CNIH3: variants seen among roughly 807,000 people sequenced by gnomAD.
CNIH3 encodes the protein cornichon family AMPA receptor auxiliary protein 3, also known as protein cornichon homolog 3.
A neutral mutation model predicts 24.1 loss-of-function variants in CNIH3; 14 were observed. The ratio of observed to expected loss-of-function variants is 0.58; its 90% confidence interval spans 0.38 to 0.91. The LOEUF (loss-of-function observed/expected upper bound fraction) is 0.91. Ranked by LOEUF, CNIH3 falls within the 40% of genes least tolerant of loss-of-function variation. CNIH3 has a pLI of 0.00. For missense variants in CNIH3, 178 were observed against 196.8 expected (o/e 0.90, Z 0.57); for synonymous variants, 68 against 73.8 (o/e 0.92, Z 0.40).
At chr1:224,617,468 A>G (rs1419114365) in intron 1 of CNIH3, among the ~76,000 whole-genome samples, 1 of 152,010 alleles carries the variant, frequency 6.6e-6, no homozygotes, top group Non-Finnish European at 1.5e-5. Context: ...GTGCCCAGGT[A>G]GGACACCCTC....
intron 1 of CNIH3, among the ~76,000 whole-genome samples, chr1:224,668,006 T>C (rs895988477): frequency 9.2e-5 from 14 of 152,202 alleles, no homozygotes; most frequent in African/African-American, 3.1e-4. Context: ...ATTTAAAATC[T>C]ATGCACACAT....
At chr1:224,464,920 C>T (rs913759434) in intron 1 of CNIH3, among the ~76,000 whole-genome samples, 3 of 152,042 alleles carry the variant, frequency 2.0e-5, no homozygotes, top group Admixed American at 6.6e-5. Flanking sequence ...CTCAGCCTCC[C>T]GTGTAGCTGG....
At chr1:224,440,965 C>T (rs1054746668) in intron 1 of CNIH3, among the ~76,000 whole-genome samples, 7 of 152,130 alleles carry the variant, frequency 4.6e-5, no homozygotes, top group Non-Finnish European at 7.4e-5. Context: ...TACAGGCGTC[C>T]GCCACCATGC....
chr1:224,737,211 G>A (rs1396283046), intron 5 of CNIH3, among the ~76,000 whole-genome samples: 2 of 146,052 alleles, frequency 1.4e-5, no homozygotes, highest in Non-Finnish European at 3.0e-5. Context: ...TGCGTGCTCC[G>A]CTGCGGGGGT....
intron 3 of CNIH3, among the ~76,000 whole-genome samples, chr1:224,725,877 A>G (rs1485368115): frequency 6.6e-6 from 1 of 152,130 alleles, no homozygotes; most frequent in Non-Finnish European, 1.5e-5. Flanking sequence ...ACAACCCCTG[A>G]TGCCCCTCTC....
rs563445978 is a variant in CNIH3 at position 224,659,431 on chromosome 1, C to T, written c.82-21527C>T. On this transcript the variant is annotated intron_variant, in intron 1 of 5. Coordinates refer to ENST00000272133, the MANE Select transcript of CNIH3 (RefSeq NM_152495.2). ...CTCTTAGTAAAATGTAAATCTGCTT[C>T]TTAGGCCAGTTACCAAAGGGCAAAG... Among the ~76,000 whole-genome samples the T allele has an allele frequency of 3.9e-5, 6 of 152,320 alleles. No homozygotes were observed. In the South Asian group the frequency reaches 1.2e-3, roughly 32 times the overall value.
chr1:224,532,627 T>G (rs1479662641), intron 2 of CNIH3, among the ~76,000 whole-genome samples: 1 of 152,190 alleles, frequency 6.6e-6, no homozygotes, highest in African/African-American at 2.4e-5. Context: ...TTTGCTAAAT[T>G]AAGTGGAATA....
At chr1:224,517,419 T>A (rs1454699675) in intron 1 of CNIH3, among the ~76,000 whole-genome samples, 1 of 152,214 alleles carries the variant, frequency 6.6e-6, no homozygotes, top group Non-Finnish European at 1.5e-5. Context: ...TGGCGTTTGA[T>A]GCCTCGCCTT....
chr1:224,441,321 A>C (rs889941209), intron 1 of CNIH3, among the ~76,000 whole-genome samples: 28 of 152,256 alleles, frequency 1.8e-4, no homozygotes, highest in Admixed American at 5.9e-4. Flanking sequence ...TGTTTTTCTA[A>C]ATCTCCTTCT....
chr1:224,514,662 C>T (rs1464547750), upstream of CNIH3, among the ~76,000 whole-genome samples: 1 of 152,102 alleles, frequency 6.6e-6, no homozygotes, highest in African/African-American at 2.4e-5. Flanking sequence ...AAAATCCTGT[C>T]TCTACGAAAA....
intron 1 of CNIH3, among the ~76,000 whole-genome samples, chr1:224,495,528 T>G (rs1677402960): frequency 6.6e-6 from 1 of 151,906 alleles, no homozygotes; most frequent in South Asian, 2.1e-4. Flanking sequence ...TTTAATGGAG[T>G]GTTTGTGTAG....
chr1:224,623,319 C>G (rs149643054), intron 1 of CNIH3, among the ~76,000 whole-genome samples: 162 of 152,300 alleles, frequency 1.1e-3, no homozygotes, highest in Non-Finnish European at 1.7e-3. Flanking sequence ...TGCTGCTGCT[C>G]TCCACTGCTG....
chr1:224,666,549 C>T (rs919683787), intron 1 of CNIH3, among the ~76,000 whole-genome samples: 6 of 152,112 alleles, frequency 3.9e-5, no homozygotes, highest in African/African-American at 1.2e-4. Context: ...TTAGAGTGGG[C>T]ACTTGTCTTA....
At chr1:224,697,512 A>T (rs1224193591) in intron 3 of CNIH3, among the ~76,000 whole-genome samples, 1 of 152,148 alleles carries the variant, frequency 6.6e-6, no homozygotes, top group Non-Finnish European at 1.5e-5. Flanking sequence ...ATTTGCCAAC[A>T]GGTGCCCAAG....
At chr1:224,662,624 G>T (rs567548777) in intron 1 of CNIH3, among the ~76,000 whole-genome samples, 7 of 152,242 alleles carry the variant, frequency 4.6e-5, no homozygotes, top group African/African-American at 1.7e-4. Context: ...GCTTGTTTAG[G>T]ATTTACTTAA....
chr1:224,670,322 G>A (rs929973943), intron 1 of CNIH3, among the ~76,000 whole-genome samples: 3 of 152,216 alleles, frequency 2.0e-5, no homozygotes, highest in African/African-American at 2.4e-5. Flanking sequence ...TGCTGCTCAG[G>A]TGTGGAGGGC....
At chr1:224,482,069 A>G (rs1448379006) in intron 1 of CNIH3, among the ~76,000 whole-genome samples, 2 of 152,174 alleles carry the variant, frequency 1.3e-5, no homozygotes, top group African/African-American at 2.4e-5. Flanking sequence ...TGTTCATTTA[A>G]GGCCCAAGGC....
intron 1 of CNIH3, among the ~76,000 whole-genome samples, chr1:224,464,491 T>C (rs1242741661): frequency 1.3e-5 from 2 of 152,254 alleles, no homozygotes; most frequent in Admixed American, 1.3e-4. Context: ...CTAATTTTTA[T>C]GTATGGTGTG....
chr1:224,563,737 G>A (rs12741713), intron 3 of CNIH3, among the ~76,000 whole-genome samples: 1 of 152,114 alleles, frequency 6.6e-6, no homozygotes, highest in Admixed American at 6.5e-5. Flanking sequence ...TTCCATTCTA[G>A]GATTGGACAA....
Sources: allele counts gnomAD v4.1 joint callset (sites outside exome capture counted in the v4.1 genomes callset), GRCh38; gene constraint gnomAD v4.1.1; transcripts MANE v1.5; gene names NCBI Gene and HGNC (gene_info 2026-07-23, HGNC 2026-07-21).